Variants in NR4A2 observed in about 807,000 individuals in gnomAD.
The protein encoded by NR4A2 is NGFI-B/nur77 beta-type transcription factor homolog.
Under a neutral mutation model 50.5 loss-of-function variants are expected in NR4A2, and 1 was observed. The ratio of observed to expected loss-of-function variants is 0.02; its 90% CI spans 0.01 to 0.09. NR4A2 has a LOEUF of 0.09. Ranked by LOEUF, NR4A2 falls within the 10% of genes least tolerant of loss-of-function variation. NR4A2 has a pLI of 1.00. For synonymous variants in NR4A2, 328 were observed against 309.4 expected (o/e 1.06, Z -0.63); for missense variants, 613 against 777.3 (o/e 0.79, Z 2.51).
In NR4A2 at chr2:156,329,879, T is replaced by A; in HGVS notation, c.308A>T (p.His103Leu). Residue 103 changes from histidine to leucine, a missense_variant, in exon 3 of 8, where the codon CAC (histidine) becomes CTC (leucine). Around this residue, in one of 4 missense-constraint regions of NR4A2, gnomAD observed 275 missense variants for 248.9 expected, o/e 1.10. Transcript: ENST00000339562. The surrounding 1 kb of genome is among the most constrained non-coding windows in gnomAD (Gnocchi z 7.5). ...EDIQMHNYQQHSHLPPQSEEM... is the reference protein window; with the variant it reads ...EDIQMHNYQQLSHLPPQSEEM... ...CTCAGACTGGGGGGGCAGGTGGCTG[T>A]GTTGCTGGTAGTTGTGCATCTGAAT... 1 of 1,614,114 alleles carries A rather than the reference T, an allele frequency of 6.2e-7. No homozygotes were observed. Among genetic ancestry groups the A allele is most frequent in the Non-Finnish European group, 8.5e-7 (1 of 1,180,022 alleles).
At position 156,329,562 on chromosome 2, in the gene NR4A2, T is replaced by C; in HGVS notation, c.625A>G (p.Ser209Gly). The C allele has an allele frequency of 4.4e-6, 7 of 1,602,966 alleles. No individual in the cohort carries two copies. In the South Asian group the frequency reaches 7.7e-5, roughly 18 times the overall value. The change falls in exon 3 of 8, where the codon AGC becomes GGC. Residue 209 changes from serine to glycine, a missense_variant. Ser to Gly is a moderately conservative substitution (Grantham distance 56). This residue lies in a region of NR4A2 where 275 missense variants were observed against 248.9 expected (regional missense o/e 1.10). Coordinates refer to ENST00000339562, the MANE Select transcript of NR4A2 (RefSeq NM_006186.4). The surrounding 1 kb of genome is among the most constrained non-coding windows in gnomAD (Gnocchi z 7.5). ...HVPMNPEPAGSHHVVDGQTFA... is the reference protein window; with the variant it reads ...HVPMNPEPAGGHHVVDGQTFA... ...GTCTGCCCGTCCACCACGTGGTGGC[T>C]GCCGGCGGGCTCCGGGTTCATGGGG...
chr2:156,329,179 A>C lies in NR4A2; in HGVS notation c.864+144T>G. 8.4e-7 allele frequency: 1 copy of C among 1,191,416 alleles called. No individual in the cohort carries two copies. The highest frequency in any genetic ancestry group is 1.2e-6 in the Non-Finnish European group (1 of 834,668). 73.8% of individuals were successfully genotyped at this position (1,191,416 alleles called of 1,614,324 possible). A position where few individuals can be genotyped will look rare whatever the true frequency, so the allele number is the denominator to read the frequency against. ...CCCGCCGCAGCCCATGGTCTCCTGCAGGGCAGCTTCGGCGGACCCCGGAGA... is the reference window on the plus strand; with the variant it reads ...CCCGCCGCAGCCCATGGTCTCCTGCCGGGCAGCTTCGGCGGACCCCGGAGA... On this transcript the variant is annotated intron_variant, in intron 3 of 7. Transcript: ENST00000339562. The surrounding 1 kb of genome is among the most constrained non-coding windows in gnomAD (Gnocchi z 7.5).
rs1486911050 is a variant in NR4A2, at chr2:156,329,599, C to T, written c.588G>A (p.Gly196=). 10 of 1,608,546 alleles carry T rather than the reference C, an allele frequency of 6.2e-6. No homozygotes were observed. The highest frequency in any genetic ancestry group is 8.5e-6 in the Non-Finnish European group (10 of 1,177,304). ...PVSSCQMRFD[G]PLHVPMNPEP... ...CCGGGTTCATGGGGACGTGCAGGGG[C>T]CCGTCGAAGCGCATCTGGCAACTAG... The change falls in exon 3 of 8, where the codon GGG becomes GGA. Residue 196 remains glycine (G), a synonymous_variant. Coordinates refer to ENST00000339562, the MANE Select transcript of NR4A2 (RefSeq NM_006186.4). The surrounding 1 kb of genome is among the most constrained non-coding windows in gnomAD (Gnocchi z 7.5).
In NR4A2 at chr2:156,326,763, A is replaced by G. The variant is rs1382621419; in HGVS notation, c.1316T>C (p.Phe439Ser). The G allele has an allele frequency of 6.2e-7, 1 of 1,614,070 alleles. No homozygotes were observed. Among genetic ancestry groups the G allele is most frequent in the Non-Finnish European group, 8.5e-7 (1 of 1,180,042 alleles). The change falls in exon 6 of 8, where the codon TTT becomes TCT. Residue 439 changes from phenylalanine to serine, a missense_variant. Coordinates refer to ENST00000339562, the MANE Select transcript of NR4A2 (RefSeq NM_006186.4). This position sits in a 1 kb window ranked among gnomAD's most constrained non-coding sequence, Gnocchi z 4.2. ...DLPKADQDLL[F>S]ESAFLELFVL... ...AAACAGTTCTAAGAAAGCTGATTCA[A>G]AAAGCAGGTCTTGGTCGGCTTTGGG...
Position 156,325,649 on chromosome 2 carries a change from G to C in NR4A2, c.*95C>G. 3 of 1,486,784 alleles carry C rather than the reference G, an allele frequency of 2.0e-6. No homozygotes were observed. The highest frequency in any genetic ancestry group is 2.8e-6 in the Non-Finnish European group (3 of 1,066,298). 92.1% of individuals were successfully genotyped at this position (1,486,784 alleles called of 1,614,324 possible). A position where few individuals can be genotyped will look rare whatever the true frequency, so the allele number is the denominator to read the frequency against. ...AGAAATGGGGGGCAGCTTGAGCTGA[G>C]ACTGCTCACACGGCTATCTCTGCCC... On this transcript the variant is annotated 3_prime_UTR_variant, in exon 8 of 8. Transcript: ENST00000339562.
rs1186524642 is a variant in NR4A2 at position 156,326,115 on chromosome 2, C to G, written c.1540+35G>C. On this transcript the variant is annotated intron_variant, in intron 7 of 7. Transcript: ENST00000339562. The surrounding 1 kb of genome is among the most constrained non-coding windows in gnomAD (Gnocchi z 4.2). ...TCAGGACAAATCCTGCTAGGCAGTT[C>G]TGGAGGGGAAGCGCCCTGCGCCTGC... 6.2e-7 allele frequency: 1 copy of G among 1,613,824 alleles called. No individual in the cohort carries two copies. Among genetic ancestry groups the G allele is most frequent in the African/African-American group, 1.3e-5 (1 of 74,936 alleles).
At chr2:156,332,111 GTA>G (rs1404133830) in intron 1 of NR4A2, 4 of 197,388 alleles carry the variant, frequency 2.0e-5, no homozygotes, top group Admixed American at 1.1e-4. Flanking sequence ...AGCTTCCCTC[GTA>G]TACATAGGAC....
In NR4A2 at chr2:156,325,926, C is replaced by T. The variant is rs201003462; in HGVS notation, c.1615G>A (p.Val539Met). The T allele has an allele frequency of 4.3e-5, 69 of 1,614,222 alleles. No individual in the cohort carries two copies. In the East Asian group the frequency reaches 9.6e-4, roughly 22 times the overall value. ...TTCAACCCCCCATTGTTGAAAGTCA[C>T]GTGGTCTTTGAGACAATTTACAATC... ...NKIVNCLKDH[V>M]TFNNGGLNRP... Residue 539 changes from valine to methionine, a missense_variant, in exon 8 of 8, where the codon GTG (valine) becomes ATG (methionine). Val to Met is a conservative substitution (Grantham distance 21, BLOSUM62 1). This residue lies in a region of NR4A2 where 250 missense variants were observed against 311.3 expected (regional missense o/e 0.80). Coordinates refer to ENST00000339562, the MANE Select transcript of NR4A2 (RefSeq NM_006186.4).
rs527516355 is a variant in NR4A2 at position 156,329,580 on chromosome 2, T to A, written c.607A>T (p.Asn203Tyr). 6.2e-7 allele frequency: 1 copy of A among 1,604,824 alleles called. No homozygotes were observed. Among genetic ancestry groups the A allele is most frequent in the South Asian group, 1.1e-5 (1 of 90,648 alleles). The change falls in exon 3 of 8, where the codon AAC becomes TAC. Residue 203 changes from asparagine to tyrosine, a missense_variant. By Grantham distance (143) the Asn-to-Tyr change is moderately radical (BLOSUM62 -2). Coordinates refer to ENST00000339562, the MANE Select transcript of NR4A2 (RefSeq NM_006186.4). This position sits in a 1 kb window ranked among gnomAD's most constrained non-coding sequence, Gnocchi z 7.5. ...TGGTGGCTGCCGGCGGGCTCCGGGT[T>A]CATGGGGACGTGCAGGGGCCCGTCG... ...RFDGPLHVPM[N>Y]PEPAGSHHVV...
chr2:156,330,911 G>T lies in NR4A2; in HGVS notation c.-126-120C>A, dbSNP rs899324239. The T allele has an allele frequency of 7.1e-6, 6 of 850,658 alleles. No individual in the cohort carries two copies. The East Asian group carries it at 1.7e-4, about 24-fold the overall frequency. 52.7% of individuals were successfully genotyped at this position (850,658 alleles called of 1,614,324 possible). ...CCTGTTTGTCTCATTGGAAATGAGT[G>T]GGAAGCCTTTACCAAACATAGCACT... On this transcript the variant is annotated intron_variant, in intron 1 of 7. Transcript: ENST00000339562.
chr2:156,330,769 G>T lies in NR4A2; in HGVS notation c.-104C>A. 1 of 1,250,228 alleles carries T rather than the reference G, an allele frequency of 8.0e-7. No individual in the cohort carries two copies. The highest frequency in any genetic ancestry group is 1.0e-6 in the Non-Finnish European group (1 of 997,448). The allele number at this position is 1,250,228 out of a possible 1,614,324, so 77.4% of individuals were successfully genotyped here. Reference sequence around the variant, plus strand: ...AAGATTTTTAGAAAAGCAATGGGGAGTCCAGCCTGTCCAATCTCCTCCCTG... The same window carrying T: ...AAGATTTTTAGAAAAGCAATGGGGATTCCAGCCTGTCCAATCTCCTCCCTG... On this transcript the variant is annotated 5_prime_UTR_variant, in exon 2 of 8. Coordinates refer to ENST00000339562, the MANE Select transcript of NR4A2 (RefSeq NM_006186.4).
chr2:156,331,015 A>C (rs1686897195), intron 1 of NR4A2, among the ~76,000 whole-genome samples: 1 of 152,202 alleles, frequency 6.6e-6, no homozygotes, highest in African/African-American at 2.4e-5. Context: ...TTGCAGAGAG[A>C]AGATCCTGCA....
Position 156,325,702 on chromosome 2 carries a change from C to G in NR4A2, c.*42G>C. ...GTGACTTGCCCCCTCTTGACAGTTT[C>G]CATTATCATTCCAGTTCCTTTGAAG... On this transcript the variant is annotated 3_prime_UTR_variant, in exon 8 of 8. Coordinates refer to ENST00000339562, the MANE Select transcript of NR4A2 (RefSeq NM_006186.4). 2.5e-6 allele frequency: 4 copies of G among 1,612,908 alleles called. No homozygotes were observed. The highest frequency in any genetic ancestry group is 3.4e-6 in the Non-Finnish European group (4 of 1,179,700).
chr2:156,326,071 A>G lies in NR4A2; in HGVS notation c.1541-71T>C. The G allele has an allele frequency of 1.2e-6, 2 of 1,613,454 alleles. No individual in the cohort carries two copies. Among genetic ancestry groups the G allele is most frequent in the Non-Finnish European group, 1.7e-6 (2 of 1,179,564 alleles). ...TTAGCTAGTTGGCAAAACCAAGGAGAATCTGTGACAAGGGAAACTCAGGAC... is the reference window on the plus strand; with the variant it reads ...TTAGCTAGTTGGCAAAACCAAGGAGGATCTGTGACAAGGGAAACTCAGGAC... On this transcript the variant is annotated intron_variant, in intron 7 of 7. Transcript: ENST00000339562. This position sits in a 1 kb window ranked among gnomAD's most constrained non-coding sequence, Gnocchi z 4.2.
At position 156,330,109 on chromosome 2, in the gene NR4A2, A is replaced by T. The variant is rs901213323; in HGVS notation, c.78T>A (p.Ser26=). The T allele has an allele frequency of 6.2e-7, 1 of 1,614,068 alleles. No individual in the cohort carries two copies. The highest frequency in any genetic ancestry group is 1.3e-5 in the African/African-American group (1 of 74,894). ...AGAAATCGGAGCTGTATTCTCCCGA[A>T]GAGTGGTAACTGTAGCTCTGAGAAG... ...SPASQSYSYH[S]SGEYSSDFLT... The change falls in exon 3 of 8, where the codon TCT becomes TCA. Residue 26 remains serine, a synonymous_variant. Coordinates refer to ENST00000339562, the MANE Select transcript of NR4A2 (RefSeq NM_006186.4).
Position 156,328,569 on chromosome 2 carries a change from T to G in NR4A2, c.865-36A>C. ...AGACAATATAGACCAACATTTTTTT[T>G]CTTCTTTTGAAAATCAGGCAACTCG... On this transcript the variant is annotated intron_variant, in intron 3 of 7. Coordinates refer to ENST00000339562, the MANE Select transcript of NR4A2 (RefSeq NM_006186.4). This position sits in a 1 kb window ranked among gnomAD's most constrained non-coding sequence, Gnocchi z 4.9. 1 of 1,613,982 alleles carries G rather than the reference T, an allele frequency of 6.2e-7. No individual in the cohort carries two copies. Among genetic ancestry groups the G allele is most frequent in the Non-Finnish European group, 8.5e-7 (1 of 1,180,002 alleles).
At position 156,329,307 on chromosome 2, in the gene NR4A2, T is replaced by G; in HGVS notation, c.864+16A>C. 6.2e-7 allele frequency: 1 copy of G among 1,606,410 alleles called. No individual in the cohort carries two copies. Among genetic ancestry groups the G allele is most frequent in the Non-Finnish European group, 8.5e-7 (1 of 1,176,622 alleles). On this transcript the variant is annotated intron_variant, in intron 3 of 7. Transcript: ENST00000339562. This position sits in a 1 kb window ranked among gnomAD's most constrained non-coding sequence, Gnocchi z 7.5. ...GGGGCTCCCTACCTGCCTACTCCGC[T>G]CCCGCCATTGCTCACCTTAAAGAAG...
At chr2:156,327,716 C>T in intron 5 of NR4A2, 135 bp downstream of exon 5, 1 of 1,077,040 alleles carries the variant, frequency 9.3e-7, no homozygotes, top group Non-Finnish European at 1.4e-6. Flanking sequence ...AGGCCCTGGC[C>T]AGAGCTGCGA....
In NR4A2 at chr2:156,329,600, C is replaced by A; in HGVS notation, c.587G>T (p.Gly196Val). 1 of 1,608,858 alleles carries A rather than the reference C, an allele frequency of 6.2e-7. No homozygotes were observed. The highest frequency in any genetic ancestry group is 1.1e-5 in the South Asian group (1 of 90,760). The change falls in exon 3 of 8, where the codon GGG becomes GTG. Residue 196 changes from glycine (G) to valine (V), a missense_variant. This residue lies in a region of NR4A2 where 275 missense variants were observed against 248.9 expected (regional missense o/e 1.10). Coordinates refer to ENST00000339562, the MANE Select transcript of NR4A2 (RefSeq NM_006186.4). The surrounding 1 kb of genome is among the most constrained non-coding windows in gnomAD (Gnocchi z 7.5). ...CGGGTTCATGGGGACGTGCAGGGGC[C>A]CGTCGAAGCGCATCTGGCAACTAGA... ...PVSSCQMRFD[G>V]PLHVPMNPEP...
Sources: gnomAD v4.1 joint callset for allele counts (sites outside exome capture counted in the v4.1 genomes callset) on GRCh38, gnomAD v4.1.1 for gene constraint, gnomAD v4.1.1 regional missense constraint, Gnocchi (gnomAD v3.1) non-coding constraint, MANE v1.5 for transcripts, NCBI Gene and HGNC (gene_info 2026-07-23, HGNC 2026-07-21) for gene names.